FBXO11: variants seen among roughly 807,000 people sequenced by gnomAD.
FBXO11 encodes F-box protein 11.
FBXO11 carries 13 observed loss-of-function variants against 117.0 expected under a neutral mutation model. That is an observed-to-expected ratio of 0.11 (90% confidence interval 0.07 to 0.18). FBXO11 has a LOEUF of 0.18. FBXO11 is among the 10% of genes least tolerant of loss of function. FBXO11 has a pLI of 1.00. For missense variants in FBXO11, 767 were observed against 1,164.4 expected, an observed-to-expected ratio of 0.66 and a Z score of 4.97; for synonymous variants, 490 against 380.5, an observed-to-expected ratio of 1.29 and a Z score of -3.35.
At chr2:47,878,461 A>G (rs1214480877) in intron 1 of FBXO11, among the ~76,000 whole-genome samples, 1 of 151,708 alleles carries the variant, frequency 6.6e-6, no homozygotes, top group Non-Finnish European at 1.5e-5. Context: ...GGTTCAAGCA[A>G]TTCTCCTGCC....
intron 1 of FBXO11, among the ~76,000 whole-genome samples, chr2:47,890,366 T>C (rs1326859523): frequency 2.0e-5 from 3 of 152,196 alleles, no homozygotes; most frequent in Non-Finnish European, 4.4e-5. Context: ...AATAAAAATA[T>C]AGATGTCTAT....
intron 5 of FBXO11, among the ~76,000 whole-genome samples, chr2:47,835,353 C>CAAACAGTATTTAAGTTTTT (rs1431278655): frequency 6.6e-6 from 1 of 152,214 alleles, no homozygotes; most frequent in Non-Finnish European, 1.5e-5. Context: ...AATTTAAATA[C>CAAACAGTATTTAAGTTTTT]AAGTTCAAAC....
chr2:47,894,973 T>C (rs1428540995), intron 1 of FBXO11, among the ~76,000 whole-genome samples: 1 of 152,134 alleles, frequency 6.6e-6, no homozygotes, highest in Non-Finnish European at 1.5e-5. Flanking sequence ...AAAACACCAA[T>C]ATTTAAAATA....
intron 1 of FBXO11, among the ~76,000 whole-genome samples, chr2:47,865,304 C>T (rs1675112226): frequency 6.6e-6 from 1 of 152,162 alleles, no homozygotes; most frequent in Non-Finnish European, 1.5e-5. Context: ...CTGAGTTGGC[C>T]ATCTGACTAG....
intron 11 of FBXO11, among the ~76,000 whole-genome samples, chr2:47,828,778 T>C (rs1671957960): frequency 1.3e-5 from 2 of 152,194 alleles, no homozygotes; most frequent in South Asian, 4.1e-4. Context: ...AGGAGGGTGC[T>C]GGGAACTAAC....
chr2:47,884,505 C>T lies in FBXO11; in HGVS notation c.232+20984G>A, dbSNP rs188988097. Among the ~76,000 whole-genome samples the T allele has an allele frequency of 2.0e-4, 31 of 152,264 alleles. 1 individual carries two copies. In the East Asian group the frequency reaches 2.7e-3, roughly 13 times the overall value. ...GAGTTTACATATGTCTTTCAGTTCA[C>T]TGAAAACAGAGGTTGATGCATTTTT... On this transcript the variant is annotated intron_variant, in intron 1 of 22. Transcript: ENST00000403359.
chr2:47,807,147 C>G lies in FBXO11; in HGVS notation c.*971G>C. The G allele has an allele frequency of 2.5e-6, 1 of 392,726 alleles. No individual in the cohort carries two copies. Among genetic ancestry groups the G allele is most frequent in the Non-Finnish European group, 4.6e-6 (1 of 217,022 alleles). 24.3% of individuals were successfully genotyped at this position (392,726 alleles called of 1,614,324 possible). On this transcript the variant is annotated 3_prime_UTR_variant, in exon 23 of 23. Transcript: ENST00000403359. ...GGAAAAGCTATGAAACTGTATAGGG[C>G]TGTATATATACTTGTCTCAGCTTAA...
intron 1 of FBXO11, among the ~76,000 whole-genome samples, chr2:47,875,138 C>A (rs558184756): frequency 1.3e-5 from 2 of 152,074 alleles, no homozygotes; most frequent in African/African-American, 4.8e-5. Context: ...GACAATGTTC[C>A]GTATCTGTGC....
chr2:47,842,103 T>A (rs1349267947), intron 1 of FBXO11, among the ~76,000 whole-genome samples: 1 of 149,474 alleles, frequency 6.7e-6, no homozygotes, highest in Non-Finnish European at 1.5e-5. Context: ...GCAACCTCCG[T>A]CTCCTGGGTT....
chr2:47,827,054 A>C (rs928380996), intron 11 of FBXO11, among the ~76,000 whole-genome samples: 3 of 152,228 alleles, frequency 2.0e-5, no homozygotes, highest in Non-Finnish European at 1.5e-5. Context: ...AGGATTAAAT[A>C]TGTCACCTAA....
intron 4 of FBXO11, among the ~76,000 whole-genome samples, chr2:47,837,348 G>A (rs1357770615): frequency 6.6e-6 from 1 of 152,176 alleles, no homozygotes. Flanking sequence ...CCAACATGGT[G>A]AAACCCTGTC....
intron 11 of FBXO11, among the ~76,000 whole-genome samples, chr2:47,830,740 A>T (rs1203117954): frequency 6.6e-6 from 1 of 152,164 alleles, no homozygotes; most frequent in Non-Finnish European, 1.5e-5. Context: ...TGTGATGAGG[A>T]GTAACTTACT....
Position 47,886,433 on chromosome 2 carries a change from G to C in FBXO11, c.232+19056C>G, listed in dbSNP as rs557697341. 2.6e-5 allele frequency among the ~76,000 whole-genome samples: 4 copies of C among 151,684 alleles called. No homozygotes were observed. In the East Asian group the frequency reaches 7.8e-4, roughly 30 times the overall value. On this transcript the variant is annotated intron_variant, in intron 1 of 22. Transcript: ENST00000403359. ...AGGCAGGAGAATCGCTTGAACCCGG[G>C]AGGTGGAGGTTGCAGTGAGCTGAGA...
At chr2:47,818,326 T>C (rs1671149498) in intron 16 of FBXO11, 2 of 154,012 alleles carry the variant, frequency 1.3e-5, no homozygotes, top group African/African-American at 4.8e-5. Context: ...TAAACAGAGG[T>C]AAGCCAGTAT....
At chr2:47,809,808 C>T (rs1670484758) in intron 19 of FBXO11, 101 bp from the exon 20 acceptor site, 1 of 708,256 alleles carries the variant, frequency 1.4e-6, no homozygotes, top group East Asian at 2.7e-5. Flanking sequence ...TATAGAAGTA[C>T]ATTAACCCTC....
At chr2:47,862,761 A>C (rs1167935038) in intron 1 of FBXO11, among the ~76,000 whole-genome samples, 1 of 152,164 alleles carries the variant, frequency 6.6e-6, no homozygotes, top group Non-Finnish European at 1.5e-5. Flanking sequence ...CAGCAGCTTC[A>C]AAAACGTTTT....
rs764677147 is a variant in FBXO11 at position 47,834,699 on chromosome 2, T to C, written c.814A>G (p.Ile272Val). Residue 272 changes from isoleucine to valine, a missense_variant, in exon 7 of 23, where the codon ATT becomes GTT. Around this residue, in one of 10 missense-constraint regions of FBXO11, gnomAD observed 32 missense variants for 48.4 expected, o/e 0.66. Coordinates refer to ENST00000403359, the MANE Select transcript of FBXO11 (RefSeq NM_001190274.2). ...GRENMLYYDT[I>V]EDALGGVQEA... ...TGTACCCCACCAAGGGCATCTTCAATAGTATCATAATACTAGAAAAAAATA... is the reference window on the plus strand; with the variant it reads ...TGTACCCCACCAAGGGCATCTTCAACAGTATCATAATACTAGAAAAAAATA... 19 of 1,610,362 alleles carry C rather than the reference T, an allele frequency of 1.2e-5. No homozygotes were observed. The East Asian group carries it at 2.7e-4, about 23-fold the overall frequency.
intron 1 of FBXO11, among the ~76,000 whole-genome samples, chr2:47,848,169 C>T (rs920569457): frequency 2.6e-4 from 40 of 151,776 alleles, no homozygotes; most frequent in African/African-American, 8.9e-4. Flanking sequence ...CACACACACA[C>T]ATATATATCT....
At chr2:47,833,526 G>C (rs1445556481) in intron 7 of FBXO11, among the ~76,000 whole-genome samples, 1 of 152,172 alleles carries the variant, frequency 6.6e-6, no homozygotes, top group Non-Finnish European at 1.5e-5. Context: ...GAAAGCAAAA[G>C]AGGCTGTAAA....
Sources: gnomAD v4.1 joint callset for allele counts (sites outside exome capture counted in the v4.1 genomes callset) on GRCh38, gnomAD v4.1.1 for gene constraint, gnomAD v4.1.1 regional missense constraint, MANE v1.5 for transcripts, NCBI Gene and HGNC (gene_info 2026-07-23, HGNC 2026-07-21) for gene names.